The following LTBP2 variants were observed in gnomAD, a reference collection of about 807,000 sequenced individuals.
LTBP2 encodes the protein latent transforming growth factor beta binding protein 2.
LTBP2 carries 103 observed loss-of-function variants against 210.6 expected under a neutral mutation model. The ratio of observed to expected loss-of-function variants is 0.49; its 90% CI spans 0.42 to 0.58. The LOEUF is 0.58. LTBP2 is among the 20% of genes least tolerant of loss of function. The pLI is 0.00. For missense variants in LTBP2, 2,313 were observed against 2,494.5 expected (o/e 0.93, Z 1.55); for synonymous variants, 1,007 against 1,015.0 (o/e 0.99, Z 0.15).
chr14:74,552,873 G>T lies in LTBP2; in HGVS notation c.1192+19C>A. ...CTCCAGGGCCAGCTGGGAACCATCT[G>T]AGCAGGAAAGGGACTCACAGATGCG... On this transcript the variant is annotated intron_variant, in intron 5 of 35. Transcript: ENST00000261978. The T allele has an allele frequency of 1.2e-6, 2 of 1,608,266 alleles. No homozygotes were observed. The highest frequency in any genetic ancestry group is 1.1e-5 in the South Asian group (1 of 90,038).
intron 22 of LTBP2, 53 bp downstream of exon 22, chr14:74,509,185 C>A: frequency 6.2e-7 from 1 of 1,612,776 alleles, no homozygotes; most frequent in South Asian, 1.1e-5. Context: ...TTCACCATGG[C>A]CCTGACAGAG....
At chr14:74,572,306 TCTGTGTGTGTGTGTGTGA>T (rs138742831) in intron 3 of LTBP2, among the ~76,000 whole-genome samples, 13,025 of 144,646 alleles carry the variant, frequency 0.09, 723 homozygotes, top group Non-Finnish European at 0.13. Flanking sequence ...TGTGTGTGTG[TCTGTGTGTGTGTGTGTGA>T]GAGAGAGAGA....
chr14:74,500,776 A>G lies in LTBP2; in HGVS notation c.*108T>C. ...TGAAAGCAGGCAAGGCTGATTGGAA[A>G]CCTCTGGCCTGATGTCACGGTGTCT... On this transcript the variant is annotated 3_prime_UTR_variant, in exon 36 of 36. Transcript: ENST00000261978. 1 of 1,461,610 alleles carries G rather than the reference A, an allele frequency of 6.8e-7. No individual in the cohort carries two copies. 90.5% of individuals were successfully genotyped at this position (1,461,610 alleles called of 1,614,324 possible).
chr14:74,504,742 G>A, intron 30 of LTBP2, 36 bp downstream of exon 30: 1 of 1,603,394 alleles, frequency 6.2e-7, no homozygotes, highest in Non-Finnish European at 8.5e-7. Context: ...GCCCACTCAG[G>A]TGAAGGAGTT....
At position 74,521,941 on chromosome 14, in the gene LTBP2, C is replaced by T. The variant is rs137914200; in HGVS notation, c.2758G>A (p.Ala920Thr). 434 of 1,614,174 alleles carry T rather than the reference C, an allele frequency of 2.7e-4. No individual in the cohort carries two copies. Among genetic ancestry groups the T allele is most frequent in the Admixed American group, 9.2e-4 (55 of 60,028 alleles). Residue 920 changes from alanine (A) to threonine (T), a missense_variant, in exon 17 of 36, where the codon GCC becomes ACC. Ala to Thr is a moderately conservative substitution (Grantham distance 58). Transcript: ENST00000261978. The part of the protein sequence containing the change: ...SCFCYPGYTL[A>T]TSGATQECQD... ...CACTCCTGTGTCGCCCCTGAGGTGG[C>T]CAGAGTGTAGCCAGGGTAGCAGAAG...
intron 10 of LTBP2, 63 bp from the exon 11 acceptor site, chr14:74,529,185 G>T: frequency 6.5e-7 from 1 of 1,535,972 alleles, no homozygotes; most frequent in Non-Finnish European, 8.8e-7. Flanking sequence ...GCGCAGCTGG[G>T]AGGGCAGTGG....
chr14:74,607,673 T>C (rs1443728845), intron 1 of LTBP2, among the ~76,000 whole-genome samples: 2 of 152,162 alleles, frequency 1.3e-5, no homozygotes, highest in Non-Finnish European at 2.9e-5. Flanking sequence ...AAAAACAAAT[T>C]GCAGAAGAAT....
chr14:74,513,648 C>A (rs1239583790), intron 18 of LTBP2, among the ~76,000 whole-genome samples: 1 of 152,134 alleles, frequency 6.6e-6, no homozygotes, highest in African/African-American at 2.4e-5. Context: ...ACTAAAAATA[C>A]AAAAATTAGC....
chr14:74,555,806 G>A (rs995864145), intron 3 of LTBP2, 113 bp from the exon 4 acceptor site: 2 of 742,506 alleles, frequency 2.7e-6, no homozygotes, highest in Non-Finnish European at 2.0e-6. Context: ...CTCTCTGGCT[G>A]CCTTCTCACC....
chr14:74,521,335 G>A (rs1399781522), intron 17 of LTBP2, among the ~76,000 whole-genome samples: 1 of 152,212 alleles, frequency 6.6e-6, no homozygotes, highest in Non-Finnish European at 1.5e-5. Flanking sequence ...TCATAAAAAT[G>A]TATGTGGAAA....
intron 18 of LTBP2, among the ~76,000 whole-genome samples, chr14:74,512,495 G>A (rs1489691166): frequency 6.6e-6 from 1 of 152,200 alleles, no homozygotes; most frequent in Non-Finnish European, 1.5e-5. Context: ...GCCAGCAGCT[G>A]TCACTGCTGC....
At chr14:74,570,718 G>C (rs2087964394) in intron 3 of LTBP2, among the ~76,000 whole-genome samples, 1 of 152,124 alleles carries the variant, frequency 6.6e-6, no homozygotes. Context: ...GAAGCACAGG[G>C]AGCCTGCTAA....
intron 10 of LTBP2, 69 bp from the exon 11 acceptor site, chr14:74,529,191 A>T: frequency 6.5e-7 from 1 of 1,530,036 alleles, no homozygotes; most frequent in Non-Finnish European, 8.9e-7. Context: ...CTGGGAGGGC[A>T]GTGGATGGAG....
At chr14:74,527,490 C>T (rs2087289151) in intron 12 of LTBP2, 124 bp from the exon 13 acceptor site, 9 of 1,061,054 alleles carry the variant, frequency 8.5e-6, no homozygotes, top group East Asian at 2.6e-5. Flanking sequence ...GCCAGCAGCA[C>T]AGAAAGCGTG....
intron 8 of LTBP2, among the ~76,000 whole-genome samples, chr14:74,544,137 G>A (rs1333072827): frequency 6.6e-6 from 1 of 152,228 alleles, no homozygotes; most frequent in Non-Finnish European, 1.5e-5. Flanking sequence ...AAGAGACACT[G>A]CCTTTTCAGC....
chr14:74,598,949 G>A (rs565118718), intron 2 of LTBP2, among the ~76,000 whole-genome samples: 12 of 152,232 alleles, frequency 7.9e-5, no homozygotes, highest in African/African-American at 2.6e-4. Context: ...GGCATGACTC[G>A]GACAGACAGC....
intron 18 of LTBP2, among the ~76,000 whole-genome samples, chr14:74,513,434 C>T (rs1216682792): frequency 6.6e-6 from 1 of 152,230 alleles, no homozygotes; most frequent in Non-Finnish European, 1.5e-5. Flanking sequence ...TTCCTTTAGC[C>T]TACATCTCCA....
rs2139683493 is a variant in LTBP2, at chr14:74,500,216, T to C, written c.*668A>G. 4.3e-6 allele frequency: 1 copy of C among 234,900 alleles called. No homozygotes were observed. Among genetic ancestry groups the C allele is most frequent in the East Asian group, 6.0e-5 (1 of 16,534 alleles). The allele number at this position is 234,900 out of a possible 1,614,324, so 14.6% of individuals were successfully genotyped here. A position where few individuals can be genotyped will look rare whatever the true frequency, so the allele number is the denominator to read the frequency against. ...ATGTCCTCTTGCTGCTTTCTCAGGC[T>C]CTTTGTTCTTCTTCATTTGTGTCTC... is the stretch of plus-strand genomic sequence containing the variant. On this transcript the variant is annotated 3_prime_UTR_variant, in exon 36 of 36. Coordinates refer to ENST00000261978, the MANE Select transcript of LTBP2 (RefSeq NM_000428.3).
At chr14:74,603,033 G>A (rs930497366) in intron 2 of LTBP2, among the ~76,000 whole-genome samples, 2 of 152,256 alleles carry the variant, frequency 1.3e-5, no homozygotes, top group Non-Finnish European at 2.9e-5. Context: ...CCGGCAGTGT[G>A]AGTGGGGCCA....
Sources: gnomAD v4.1 joint callset for allele counts (sites outside exome capture counted in the v4.1 genomes callset) on GRCh38, gnomAD v4.1.1 for gene constraint, MANE v1.5 for transcripts, NCBI Gene and HGNC (gene_info 2026-07-23, HGNC 2026-07-21) for gene names.